The following DAB1 variants were observed in gnomAD, a reference collection of about 807,000 sequenced individuals.
DAB1 encodes disabled homolog 1.
In DAB1, 15 loss-of-function variants were observed where a neutral mutation model predicts 64.6. The ratio of observed to expected loss-of-function variants is 0.23; its 90% CI spans 0.16 to 0.36. DAB1 has a LOEUF of 0.36. DAB1 is among the 10% of genes least tolerant of loss of function. The probability of loss-of-function intolerance (pLI) is 1.00; values close to 1 mark genes in which losing one functional copy is unlikely to be tolerated. For missense variants in DAB1, 596 were observed against 706.7 expected, an observed-to-expected ratio of 0.84 and a Z score of 1.78; for synonymous variants, 235 against 251.9, an observed-to-expected ratio of 0.93 and a Z score of 0.64.
intron 7 of DAB1, among the ~76,000 whole-genome samples, chr1:57,545,061 C>A (rs1196979389): frequency 1.3e-5 from 2 of 152,190 alleles, no homozygotes; most frequent in African/African-American, 4.8e-5. Flanking sequence ...CCCTGTGTGA[C>A]CTGACTCCTG....
intron 5 of DAB1, among the ~76,000 whole-genome samples, chr1:57,968,140 A>G (rs1645714336): frequency 6.6e-6 from 1 of 152,140 alleles, no homozygotes; most frequent in African/African-American, 2.4e-5. Context: ...AGAAAGTGTA[A>G]AAGTCACTTA....
Position 57,601,615 on chromosome 1 carries a change from A to C in DAB1, n.625+47977T>G, listed in dbSNP as rs553581387. Among the ~76,000 whole-genome samples the C allele has an allele frequency of 7.2e-5, 11 of 152,272 alleles. No homozygotes were observed. In the East Asian group the frequency reaches 1.4e-3, roughly 19 times the overall value. On this transcript the variant is annotated intron_variant and non_coding_transcript_variant, in intron 7 of 20. Transcript: ENST00000485760. ...TTCAAAATAATTAATTAGTTAAAAA[A>C]ATGAAAAATGAGGATGTTAATAATG... is the stretch of plus-strand genomic sequence containing the variant.
At chr1:57,859,499 A>T (rs1653910401) in intron 1 of DAB1, among the ~76,000 whole-genome samples, 1 of 152,216 alleles carries the variant, frequency 6.6e-6, no homozygotes, top group Non-Finnish European at 1.5e-5. Flanking sequence ...CATCTTACAG[A>T]TGAAAAGGCT....
chr1:57,088,120 G>A (rs1653279950), intron 4 of DAB1, among the ~76,000 whole-genome samples: 1 of 152,200 alleles, frequency 6.6e-6, no homozygotes, highest in Non-Finnish European at 1.5e-5. Flanking sequence ...GCCCAGGCTG[G>A]AGTGCAATGG....
At chr1:57,811,901 A>G (rs1016388253) in intron 6 of DAB1, among the ~76,000 whole-genome samples, 1 of 152,328 alleles carries the variant, frequency 6.6e-6, no homozygotes, top group South Asian at 2.1e-4. Flanking sequence ...AAAGTTCTAC[A>G]GGGCCTAGTG....
intron 1 of DAB1, among the ~76,000 whole-genome samples, chr1:58,529,729 C>A (rs970719347): frequency 6.6e-6 from 1 of 151,586 alleles, no homozygotes; most frequent in Admixed American, 6.6e-5. Flanking sequence ...AAAATATCTA[C>A]GAAAAAACAA....
rs142577158 is a variant in DAB1, at chr1:58,483,299, T to C, written n.257+22761A>G. On this transcript the variant is annotated intron_variant and non_coding_transcript_variant, in intron 3 of 20. Coordinates refer to the DAB1 transcript ENST00000485760. ...AGGAATTCCATTATTCCAGATACCC[T>C]GAGTGGGGTATGGTAGGGGCACAGG... is the stretch of plus-strand genomic sequence containing the variant. Among the ~76,000 whole-genome samples, 1,013 of 152,212 alleles carry C rather than the reference T, an allele frequency of 6.7e-3. 2 individuals carry two copies. Among genetic ancestry groups the C allele is most frequent in the South Asian group, 0.021 (99 of 4,818 alleles).
At chr1:57,896,500 A>C (rs1054450112) in intron 5 of DAB1, among the ~76,000 whole-genome samples, 2 of 152,158 alleles carry the variant, frequency 1.3e-5, no homozygotes, top group Non-Finnish European at 2.9e-5. Flanking sequence ...CCAGTTAACA[A>C]AAAACACTGG....
chr1:57,540,793 T>C (rs562801093), intron 7 of DAB1, among the ~76,000 whole-genome samples: 11 of 152,244 alleles, frequency 7.2e-5, no homozygotes, highest in African/African-American at 2.6e-4. Context: ...AGTAGCGTGA[T>C]AGTTACCAGA....
intron 1 of DAB1, among the ~76,000 whole-genome samples, chr1:57,327,614 T>C (rs1164321018): frequency 6.6e-6 from 1 of 152,102 alleles, no homozygotes; most frequent in Non-Finnish European, 1.5e-5. Flanking sequence ...ATCACCAAAA[T>C]GATACCATGT....
chr1:57,310,883 G>T (rs1007068318), intron 1 of DAB1, among the ~76,000 whole-genome samples: 2 of 151,910 alleles, frequency 1.3e-5, no homozygotes, highest in Non-Finnish European at 2.9e-5. Flanking sequence ...CTGTAATCCC[G>T]GCTACTTGGG....
At chr1:58,447,456 A>G (rs1205516058) in intron 3 of DAB1, among the ~76,000 whole-genome samples, 1 of 152,142 alleles carries the variant, frequency 6.6e-6, no homozygotes, top group Non-Finnish European at 1.5e-5. Context: ...ATATTCATGT[A>G]TTAATTTTTA....
chr1:57,844,517 G>A (rs1653191755), intron 1 of DAB1, among the ~76,000 whole-genome samples: 1 of 152,138 alleles, frequency 6.6e-6, no homozygotes. Flanking sequence ...TGGGTCCAGA[G>A]AAGCAGGAAG....
At chr1:57,174,217 T>C (rs1199249441) in intron 2 of DAB1, among the ~76,000 whole-genome samples, 1 of 152,180 alleles carries the variant, frequency 6.6e-6, no homozygotes, top group African/African-American at 2.4e-5. Flanking sequence ...TGTATTGGTA[T>C]TTCATGACTT....
intron 4 of DAB1, among the ~76,000 whole-genome samples, chr1:58,287,042 A>G (rs1284701893): frequency 6.6e-6 from 1 of 152,350 alleles, no homozygotes; most frequent in East Asian, 1.9e-4. Flanking sequence ...GCTGGAAGCC[A>G]TTATCTTTAG....
At chr1:57,315,693 G>A (rs780016110) in intron 1 of DAB1, among the ~76,000 whole-genome samples, 44 of 152,180 alleles carry the variant, frequency 2.9e-4, no homozygotes, top group Admixed American at 1.2e-3. Context: ...TAGTAGAGAC[G>A]GGGTCTCACC....
intron 3 of DAB1, among the ~76,000 whole-genome samples, chr1:58,387,067 C>T (rs768573218): frequency 3.9e-5 from 6 of 151,946 alleles, no homozygotes; most frequent in Non-Finnish European, 8.8e-5. Flanking sequence ...TCTCAAAAAA[C>T]AAAAACAAAA....
chr1:57,402,942 T>G (rs1683365038), intron 1 of DAB1, among the ~76,000 whole-genome samples: 1 of 152,124 alleles, frequency 6.6e-6, no homozygotes, highest in Non-Finnish European at 1.5e-5. Context: ...CCCCAACCCC[T>G]GCCCAACAAA....
At chr1:57,218,340 A>T in intron 2 of DAB1, among the ~76,000 whole-genome samples, 1 of 152,008 alleles carries the variant, frequency 6.6e-6, no homozygotes, top group Non-Finnish European at 1.5e-5. Flanking sequence ...CTTATAAATA[A>T]TCTTTGTTTA....
Sources: gnomAD v4.1 joint callset for allele counts (sites outside exome capture counted in the v4.1 genomes callset) on GRCh38, gnomAD v4.1.1 for gene constraint, MANE v1.5 for transcripts, NCBI Gene and HGNC (gene_info 2026-07-23, HGNC 2026-07-21) for gene names.